GSAP: variants seen among roughly 807,000 people sequenced by gnomAD.
GSAP encodes the protein gamma-secretase-activating protein.
A neutral mutation model predicts 131.7 loss-of-function variants in GSAP; 118 were observed. The observed-to-expected ratio is 0.90, with a 90% CI of 0.77 to 1.04. GSAP has a LOEUF of 1.04. Ranked by LOEUF, GSAP falls within the 50% of genes least tolerant of loss-of-function variation. The probability of loss-of-function intolerance (pLI) is 0.00; values close to 1 mark genes in which losing one functional copy is unlikely to be tolerated. For missense variants in GSAP, 1,019 were observed against 1,013.2 expected, an observed-to-expected ratio of 1.01 and a Z score of -0.08; for synonymous variants, 381 against 363.4, an observed-to-expected ratio of 1.05 and a Z score of -0.55.
chr7:77,361,112 C>G (rs1430750971), intron 13 of GSAP, among the ~76,000 whole-genome samples: 2 of 152,206 alleles, frequency 1.3e-5, no homozygotes, highest in Non-Finnish European at 2.9e-5. Context: ...AGTAGTTGCT[C>G]TGGGCTTATT....
intron 3 of GSAP, among the ~76,000 whole-genome samples, chr7:77,401,484 T>A (rs974323015): frequency 6.6e-6 from 1 of 152,078 alleles, no homozygotes; most frequent in African/African-American, 2.4e-5. Flanking sequence ...AATCCTGAAT[T>A]CTACACTTGG....
At chr7:77,389,969 T>C (rs923830909) in intron 5 of GSAP, among the ~76,000 whole-genome samples, 2 of 152,174 alleles carry the variant, frequency 1.3e-5, no homozygotes, top group African/African-American at 4.8e-5. Context: ...TTTTAATGAT[T>C]GCCATTCTAA....
At chr7:77,353,721 G>A in intron 16 of GSAP, 80 bp from the exon 17 acceptor site, 1 of 818,486 alleles carries the variant, frequency 1.2e-6, no homozygotes, top group Non-Finnish European at 2.0e-6. Flanking sequence ...AAATATACAT[G>A]AATCTTTTGC....
intron 5 of GSAP, among the ~76,000 whole-genome samples, chr7:77,391,604 A>G (rs939484874): frequency 3.3e-5 from 5 of 152,192 alleles, no homozygotes; most frequent in African/African-American, 1.2e-4. Context: ...CAGGAAGATC[A>G]TTTGAGGCCA....
chr7:77,316,536 TAAC>T (rs1794988780), intron 26 of GSAP, among the ~76,000 whole-genome samples: 1 of 152,324 alleles, frequency 6.6e-6, no homozygotes, highest in African/African-American at 2.4e-5. Flanking sequence ...ACTAGTTAAT[TAAC>T]AACAACGTTT....
intron 13 of GSAP, among the ~76,000 whole-genome samples, chr7:77,361,159 G>C (rs1041403298): frequency 2.6e-5 from 4 of 152,148 alleles, no homozygotes; most frequent in African/African-American, 9.7e-5. Flanking sequence ...TGTTCAGGGA[G>C]GAGAGGATCT....
In GSAP at chr7:77,328,628, A is replaced by T; in HGVS notation, c.1743T>A (p.Ser581=). The T allele has an allele frequency of 6.3e-7, 1 of 1,599,134 alleles. No homozygotes were observed. The highest frequency in any genetic ancestry group is 8.6e-7 in the Non-Finnish European group (1 of 1,167,788). Residue 581 remains serine (S), a synonymous_variant, in exon 22 of 31, where the codon TCT becomes TCA. Coordinates refer to ENST00000257626, the MANE Select transcript of GSAP (RefSeq NM_017439.4). ...NILDNAVKVI[S]NLEARNLGPR... ...TACCCAAATTTCTTGCTTCTAGGTT[A>T]GAAATCACCCTACGAAGAAATTAGC...
chr7:77,361,254 G>C (rs546754396), intron 13 of GSAP, among the ~76,000 whole-genome samples: 5 of 152,278 alleles, frequency 3.3e-5, no homozygotes, highest in South Asian at 4.1e-4. Flanking sequence ...CGCCACACAC[G>C]TGCAGTCATT....
In GSAP at chr7:77,377,541, T is replaced by C. The variant is rs527319838; in HGVS notation, c.577-151A>G. On this transcript the variant is annotated intron_variant, in intron 8 of 30. Coordinates refer to ENST00000257626, the MANE Select transcript of GSAP (RefSeq NM_017439.4). ...TGTTAGAAGCTCCCCACCCCTAGTA[T>C]ACACAGTCTTTCCAGAAATGTTTTA... is the stretch of plus-strand genomic sequence containing the variant. The C allele has an allele frequency of 3.3e-6, 3 of 913,886 alleles. No individual in the cohort carries two copies. The South Asian group carries it at 8.3e-5, about 25-fold the overall frequency. The allele number at this position is 913,886 out of a possible 1,614,324, so 56.6% of individuals were successfully genotyped here. A position where few individuals can be genotyped will look rare whatever the true frequency, so the allele number is the denominator to read the frequency against.
chr7:77,351,059 A>C, intron 18 of GSAP: 1 of 885,964 alleles, frequency 1.1e-6, no homozygotes, highest in Non-Finnish European at 1.4e-6. Context: ...TCTATAATTT[A>C]AATGACCGAG....
At chr7:77,372,659 TAAGTAA>T (rs1373810000) in intron 12 of GSAP, among the ~76,000 whole-genome samples, 1 of 152,250 alleles carries the variant, frequency 6.6e-6, no homozygotes, top group Non-Finnish European at 1.5e-5. Context: ...TATGATTGTA[TAAGTAA>T]AAGGTAAACG....
chr7:77,359,194 C>A (rs553080727), intron 14 of GSAP, among the ~76,000 whole-genome samples: 1 of 148,580 alleles, frequency 6.7e-6, no homozygotes, highest in South Asian at 2.2e-4. Context: ...GAACAAGATT[C>A]CATCTCAAAA....
intron 19 of GSAP, 116 bp downstream of exon 19, chr7:77,349,235 G>A: frequency 1.3e-6 from 1 of 759,636 alleles, no homozygotes; most frequent in Non-Finnish European, 2.3e-6. Context: ...CCACCCTACT[G>A]CCTTGCCCTC....
At chr7:77,416,435 G>A (rs1171195433), upstream of GSAP, 7 of 516,414 alleles carry the variant, frequency 1.4e-5, no homozygotes, top group Admixed American at 4.4e-5. Flanking sequence ...CCTCTCCCCC[G>A]CCCCCTGCTG....
chr7:77,313,647 T>C, intron 27 of GSAP, 98 bp from the exon 28 acceptor site: 2 of 614,112 alleles, frequency 3.3e-6, no homozygotes, highest in Non-Finnish European at 5.8e-6. Flanking sequence ...TGATAGGACA[T>C]ATCCCAACTG....
Position 77,314,484 on chromosome 7 carries a change from G to A in GSAP, c.2095C>T (p.His699Tyr). Residue 699 changes from histidine to tyrosine, a missense_variant, in exon 27 of 31, where the codon CAT (histidine) becomes TAT (tyrosine). Physicochemically the swap from His to Tyr is moderately conservative, Grantham distance 83. Transcript: ENST00000257626. The part of the protein sequence containing the change: ...SLFLPLPPGF[H>Y]TLHTILGVQC... The stretch of plus-strand genomic sequence containing the variant: ...ACCCCGAGGATGGTGTGCAGAGTAT[G>A]AAAACCTAGGATGAGAGATCTGGAG... The A allele has an allele frequency of 6.2e-7, 1 of 1,613,632 alleles. No individual in the cohort carries two copies. Among genetic ancestry groups the A allele is most frequent in the Non-Finnish European group, 8.5e-7 (1 of 1,179,710 alleles).
At chr7:77,364,742 TAAGC>T (rs1306101591) in intron 12 of GSAP, among the ~76,000 whole-genome samples, 1 of 152,122 alleles carries the variant, frequency 6.6e-6, no homozygotes, top group Non-Finnish European at 1.5e-5. Context: ...CCAGAACTTA[TAAGC>T]AAATATTTCC....
chr7:77,336,437 C>T (rs1303464367), intron 19 of GSAP, among the ~76,000 whole-genome samples: 2 of 152,130 alleles, frequency 1.3e-5, no homozygotes, highest in Non-Finnish European at 2.9e-5. Flanking sequence ...AAGACACCTC[C>T]ATTGCTACAG....
intron 8 of GSAP, among the ~76,000 whole-genome samples, chr7:77,380,228 G>A (rs1797593170): frequency 6.6e-6 from 1 of 152,098 alleles, no homozygotes; most frequent in South Asian, 2.1e-4. Context: ...CATCCAATTG[G>A]AAATTTTTTA....
Sources: gnomAD v4.1 joint callset for allele counts (sites outside exome capture counted in the v4.1 genomes callset) on GRCh38, gnomAD v4.1.1 for gene constraint, MANE v1.5 for transcripts, NCBI Gene and HGNC (gene_info 2026-07-23, HGNC 2026-07-21) for gene names.